The following GUCY1A2 variants were observed in gnomAD, a reference collection of about 807,000 sequenced individuals.
GUCY1A2 encodes the protein guanylate cyclase soluble subunit alpha-2.
A neutral mutation model predicts 63.5 loss-of-function variants in GUCY1A2; 27 were observed. That is an observed-to-expected ratio of 0.43 (90% CI 0.31 to 0.59). GUCY1A2 has a LOEUF of 0.59. Ranked by LOEUF, GUCY1A2 falls within the 20% of genes least tolerant of loss-of-function variation. GUCY1A2 has a pLI of 0.11. For synonymous variants in GUCY1A2, 364 were observed against 343.5 expected (o/e 1.06, Z -0.66); for missense variants, 768 against 913.3 (o/e 0.84, Z 2.05).
chr11:106,990,835 T>C lies in GUCY1A2; in HGVS notation c.304-4704A>G, dbSNP rs182802615. Among the ~76,000 whole-genome samples, 22 of 152,316 alleles carry C rather than the reference T, an allele frequency of 1.4e-4. No homozygotes were observed. The East Asian group carries it at 4.1e-3, about 28-fold the overall frequency. On this transcript the variant is annotated intron_variant, in intron 1 of 7. Coordinates refer to ENST00000526355, the MANE Select transcript of GUCY1A2 (RefSeq NM_000855.3). ...CACATTCTGAAAGTCTATATTCTTATTTGATACACACAGCACTTCATCATG... is the reference window on the plus strand; with the variant it reads ...CACATTCTGAAAGTCTATATTCTTACTTGATACACACAGCACTTCATCATG...
intron 4 of GUCY1A2, among the ~76,000 whole-genome samples, chr11:106,926,434 T>G (rs1241303375): frequency 6.9e-6 from 1 of 144,794 alleles, no homozygotes; most frequent in African/African-American, 2.6e-5. Context: ...TGAGACTCTA[T>G]CTCTGTCTCA....
At position 106,911,747 on chromosome 11, in the gene GUCY1A2, T is replaced by C. The variant is rs1370055808; in HGVS notation, c.1206+27713A>G. On this transcript the variant is annotated intron_variant, in intron 4 of 7. Transcript: ENST00000526355. The stretch of plus-strand genomic sequence containing the variant: ...ACAATGCTTTGGAAATACATGCTTT[T>C]TAAAGTCCTTTTTAAAGCAAACTAT... Among the ~76,000 whole-genome samples the C allele has an allele frequency of 5.3e-5, 8 of 152,182 alleles. No individual in the cohort carries two copies. In the East Asian group the frequency reaches 7.7e-4, roughly 15 times the overall value.
At chr11:107,002,244 C>A (rs1861620546) in intron 1 of GUCY1A2, among the ~76,000 whole-genome samples, 1 of 151,954 alleles carries the variant, frequency 6.6e-6, no homozygotes, top group Non-Finnish European at 1.5e-5. Flanking sequence ...ATTTAATATA[C>A]CGACAAAATA....
chr11:107,004,333 A>G (rs1446061376), intron 1 of GUCY1A2, among the ~76,000 whole-genome samples: 2 of 152,198 alleles, frequency 1.3e-5, no homozygotes, highest in East Asian at 3.8e-4. Flanking sequence ...CTGAATCGAA[A>G]TTTTCCTATG....
chr11:106,839,623 T>A (rs1287168691), intron 4 of GUCY1A2, among the ~76,000 whole-genome samples: 3 of 151,742 alleles, frequency 2.0e-5, no homozygotes, highest in Non-Finnish European at 4.4e-5. Context: ...TGTCCAACAA[T>A]GATAGACTGG....
At chr11:106,770,330 T>G (rs1393578976) in intron 6 of GUCY1A2, among the ~76,000 whole-genome samples, 1 of 152,028 alleles carries the variant, frequency 6.6e-6, no homozygotes, top group African/African-American at 2.4e-5. Context: ...AAGAAAAAAA[T>G]GTCTATACAT....
At chr11:106,750,122 C>T (rs1013368193) in intron 6 of GUCY1A2, among the ~76,000 whole-genome samples, 1 of 152,112 alleles carries the variant, frequency 6.6e-6, no homozygotes, top group African/African-American at 2.4e-5. Flanking sequence ...GAAGGCCTGA[C>T]AGCCCTGGGG....
intron 7 of GUCY1A2, among the ~76,000 whole-genome samples, chr11:106,707,911 CTT>C (rs1418768782): frequency 6.6e-6 from 1 of 152,002 alleles, no homozygotes; most frequent in African/African-American, 2.4e-5. Flanking sequence ...AAATCTGAAA[CTT>C]TTTGAGAACC....
At position 106,696,442 on chromosome 11, in the gene GUCY1A2, C is replaced by T. The variant is rs1327238438; in HGVS notation, c.1992-8686G>A. Among the ~76,000 whole-genome samples the T allele has an allele frequency of 9.2e-5, 14 of 152,204 alleles. No individual in the cohort carries two copies. The East Asian group carries it at 2.1e-3, about 23-fold the overall frequency. Reference sequence around the variant, plus strand: ...AAAACAAGTTCATCATTGTGCTGGTCTTTCTGTATAAAAGATAAAGAAGTG... The same window carrying T: ...AAAACAAGTTCATCATTGTGCTGGTTTTTCTGTATAAAAGATAAAGAAGTG... On this transcript the variant is annotated intron_variant, in intron 7 of 7. Coordinates refer to ENST00000526355, the MANE Select transcript of GUCY1A2 (RefSeq NM_000855.3).
chr11:106,732,678 TAGG>T (rs1336485147), intron 6 of GUCY1A2, among the ~76,000 whole-genome samples: 2 of 152,180 alleles, frequency 1.3e-5, no homozygotes, highest in African/African-American at 4.8e-5. Context: ...GAAAAACCAT[TAGG>T]AGAGCAAGAA....
At chr11:106,978,825 C>T (rs762182863) in intron 2 of GUCY1A2, 85 bp from the exon 3 acceptor site, 15 of 809,342 alleles carry the variant, frequency 1.9e-5, no homozygotes, top group Middle Eastern at 2.3e-4. Context: ...CAAGCACACG[C>T]AGTCTATGCT....
intron 4 of GUCY1A2, 62 bp downstream of exon 4, chr11:106,939,398 T>G: frequency 2.4e-6 from 2 of 833,818 alleles, no homozygotes; most frequent in Non-Finnish European, 3.9e-6. Flanking sequence ...CACCATGTAA[T>G]TTACTGAAAT....
chr11:106,717,330 T>C (rs1471464850), intron 6 of GUCY1A2, among the ~76,000 whole-genome samples: 3 of 152,194 alleles, frequency 2.0e-5, no homozygotes, highest in Admixed American at 2.0e-4. Flanking sequence ...AGGCCCATAG[T>C]AGACATTCGA....
At chr11:106,924,659 A>C (rs1860496895) in intron 4 of GUCY1A2, among the ~76,000 whole-genome samples, 1 of 152,200 alleles carries the variant, frequency 6.6e-6, no homozygotes, top group Admixed American at 6.5e-5. Context: ...GAGTCAAATA[A>C]GATAATACAT....
At chr11:106,843,209 GA>G (rs1859224308) in intron 4 of GUCY1A2, among the ~76,000 whole-genome samples, 1 of 151,642 alleles carries the variant, frequency 6.6e-6, no homozygotes, top group African/African-American at 2.4e-5. Flanking sequence ...GGAGTAATAA[GA>G]TACAATATCT....
At chr11:106,892,219 T>C (rs1460653321) in intron 4 of GUCY1A2, among the ~76,000 whole-genome samples, 1 of 152,098 alleles carries the variant, frequency 6.6e-6, no homozygotes, top group African/African-American at 2.4e-5. Context: ...CTTATTCCAT[T>C]TTCCAAATGG....
intron 4 of GUCY1A2, among the ~76,000 whole-genome samples, chr11:106,813,571 C>A (rs546896696): frequency 6.6e-6 from 1 of 152,104 alleles, no homozygotes; most frequent in South Asian, 2.1e-4. Context: ...TTGAGCATGG[C>A]CTAATCCATG....
chr11:106,942,927 T>C (rs1012870484), intron 3 of GUCY1A2, among the ~76,000 whole-genome samples: 3 of 152,164 alleles, frequency 2.0e-5, no homozygotes, highest in Admixed American at 2.0e-4. Flanking sequence ...GATGCTAAAG[T>C]GACGGTTGTA....
chr11:106,746,648 A>G (rs1863792962), intron 6 of GUCY1A2: 1 of 1,561,694 alleles, frequency 6.4e-7, no homozygotes, highest in Non-Finnish European at 8.7e-7. Flanking sequence ...CTGGGGCTTG[A>G]AAAGTCACAC....
Sources: gnomAD v4.1 joint callset for allele counts (sites outside exome capture counted in the v4.1 genomes callset) on GRCh38, gnomAD v4.1.1 for gene constraint, MANE v1.5 for transcripts, NCBI Gene and HGNC (gene_info 2026-07-23, HGNC 2026-07-21) for gene names.